BUB1B: variants seen among roughly 807,000 people sequenced by gnomAD.
BUB1B encodes mitotic checkpoint serine/threonine-protein kinase BUB1 beta.
Under a neutral mutation model 137.7 loss-of-function variants are expected in BUB1B, and 86 were observed. That is an observed-to-expected ratio of 0.62 (90% CI 0.52 to 0.75). The LOEUF (loss-of-function observed/expected upper bound fraction) is 0.75. BUB1B is among the 30% of genes least tolerant of loss of function. The pLI, the probability that BUB1B is intolerant of heterozygous loss-of-function variation, is 0.00. For synonymous variants in BUB1B, 420 were observed against 417.9 expected, an observed-to-expected ratio of 1.00 and a Z score of -0.06; for missense variants, 1,130 against 1,236.9, an observed-to-expected ratio of 0.91 and a Z score of 1.30.
chr15:40,191,130 C>T (rs554557293), intron 8 of BUB1B, among the ~76,000 whole-genome samples: 7 of 152,224 alleles, frequency 4.6e-5, no homozygotes, highest in South Asian at 4.1e-4. Flanking sequence ...TCAAGTGATC[C>T]ACCCGACTCA....
chr15:40,212,082 G>A lies in BUB1B; in HGVS notation c.2386-417G>A, dbSNP rs544095280. Among the ~76,000 whole-genome samples, 16 of 152,306 alleles carry A rather than the reference G, an allele frequency of 1.1e-4. No homozygotes were observed. In the East Asian group the frequency reaches 2.5e-3, roughly 24 times the overall value. On this transcript the variant is annotated intron_variant, in intron 18 of 22. Coordinates refer to ENST00000287598, the MANE Select transcript of BUB1B (RefSeq NM_001211.6). ...ACCCCTGATGTCAGGTAATCCACAC[G>A]CCTCAGCCTCCCAGAGTGCTGGGAT...
intron 1 of BUB1B, among the ~76,000 whole-genome samples, chr15:40,162,796 T>C (rs1015551539): frequency 6.6e-6 from 1 of 152,032 alleles, no homozygotes; most frequent in Non-Finnish European, 1.5e-5. Flanking sequence ...AATTCACTAT[T>C]TTTAAGAGCA....
At chr15:40,216,693 G>A (rs1034933910) in intron 20 of BUB1B, among the ~76,000 whole-genome samples, 37 of 150,766 alleles carry the variant, frequency 2.5e-4, no homozygotes, top group South Asian at 2.1e-4. Flanking sequence ...ATTCTGTGCC[G>A]TGGAGGTATG....
At position 40,212,511 on chromosome 15, in the gene BUB1B, C is replaced by T. The variant is rs139226455; in HGVS notation, c.2398C>T (p.Pro800Ser). 5.0e-6 allele frequency: 8 copies of T among 1,612,180 alleles called. No homozygotes were observed. Among genetic ancestry groups the T allele is most frequent in the African/African-American group, 4.0e-5 (3 of 74,876 alleles). Reference protein sequence around the residue: ...ELTVIKVSSQPVPWDFYINLK... With the variant: ...ELTVIKVSSQSVPWDFYINLK... Reference sequence around the variant, plus strand: ...CAATGTCTTACAGGTATCTTCTCAACCTGTCCCATGGGACTTTTATATCAA... The same window carrying T: ...CAATGTCTTACAGGTATCTTCTCAATCTGTCCCATGGGACTTTTATATCAA... Residue 800 changes from proline to serine, a missense_variant, in exon 19 of 23, where the codon CCT (proline) becomes TCT (serine). Pro to Ser is a moderately conservative substitution (Grantham distance 74, BLOSUM62 -1). Coordinates refer to ENST00000287598, the MANE Select transcript of BUB1B (RefSeq NM_001211.6).
intron 18 of BUB1B, among the ~76,000 whole-genome samples, chr15:40,211,502 A>G (rs1035882774): frequency 6.6e-6 from 1 of 151,964 alleles, no homozygotes; most frequent in Admixed American, 6.6e-5. Flanking sequence ...CTCAGAGAAG[A>G]CTTCTAATTT....
At chr15:40,220,463 T>G in intron 22 of BUB1B, 101 bp from the exon 23 acceptor site, 2 of 1,221,252 alleles carry the variant, frequency 1.6e-6, no homozygotes, top group Non-Finnish European at 2.4e-6. Flanking sequence ...AGGTATTACC[T>G]TACACCATTT....
At chr15:40,196,259 C>A (rs745475410) in intron 8 of BUB1B, among the ~76,000 whole-genome samples, 8 of 152,054 alleles carry the variant, frequency 5.3e-5, no homozygotes, top group Admixed American at 3.3e-4. Flanking sequence ...CCCCACTTTA[C>A]GCTTTTGTTT....
chr15:40,164,415 T>C (rs568030377), intron 1 of BUB1B, among the ~76,000 whole-genome samples: 3 of 151,962 alleles, frequency 2.0e-5, no homozygotes, highest in Non-Finnish European at 4.4e-5. Context: ...TTTGTAGAGA[T>C]GGGGGTCTTC....
At chr15:40,175,218 G>A (rs575012584) in intron 4 of BUB1B, among the ~76,000 whole-genome samples, 2 of 152,126 alleles carry the variant, frequency 1.3e-5, no homozygotes, top group African/African-American at 4.8e-5. Context: ...TTTATAATTG[G>A]GCAAAATTAG....
intron 15 of BUB1B, 49 bp from the exon 16 acceptor site, chr15:40,208,588 T>C (rs2037666616): frequency 1.3e-6 from 2 of 1,510,400 alleles, no homozygotes; most frequent in East Asian, 4.9e-5. Context: ...TATAACAAAG[T>C]TGATATATAT....
chr15:40,196,133 C>A (rs2037494535), intron 8 of BUB1B, among the ~76,000 whole-genome samples: 1 of 152,152 alleles, frequency 6.6e-6, no homozygotes, highest in African/African-American at 2.4e-5. Flanking sequence ...TTAATTAAGT[C>A]TTTGATCCAC....
intron 18 of BUB1B, among the ~76,000 whole-genome samples, chr15:40,212,102 TGGG>T (rs2037720938): frequency 6.6e-6 from 1 of 152,260 alleles, no homozygotes; most frequent in Non-Finnish European, 1.5e-5. Context: ...CCCAGAGTGC[TGGG>T]ATTACAGGCA....
chr15:40,195,926 G>A (rs559297066), intron 8 of BUB1B, among the ~76,000 whole-genome samples: 27 of 152,232 alleles, frequency 1.8e-4, no homozygotes, highest in African/African-American at 6.0e-4. Context: ...CCCACTCTGT[G>A]GGTTGTCTGT....
Position 40,169,637 on chromosome 15 carries a change from A to G in BUB1B, c.180-425A>G, listed in dbSNP as rs1489047314. On this transcript the variant is annotated intron_variant, in intron 2 of 22. Coordinates refer to ENST00000287598, the MANE Select transcript of BUB1B (RefSeq NM_001211.6). Reference sequence around the variant, plus strand: ...TTTTTTTTTTTTTTTTTTTTGAGACAGAGTCTTGCTTTGTTGCCCAGGCTG... The same window carrying G: ...TTTTTTTTTTTTTTTTTTTTGAGACGGAGTCTTGCTTTGTTGCCCAGGCTG... Among the ~76,000 whole-genome samples, 6 of 119,664 alleles carry G rather than the reference A, an allele frequency of 5.0e-5. No homozygotes were observed. In the East Asian group the frequency reaches 1.3e-3, roughly 27 times the overall value. 78.5% of individuals were successfully genotyped at this position (119,664 alleles called of 152,430 possible). A position where few individuals can be genotyped will look rare whatever the true frequency, so the allele number is the denominator to read the frequency against.
chr15:40,185,616 G>A lies in BUB1B; in HGVS notation c.1032G>A (p.Val344=), dbSNP rs756307061. 169 of 1,613,978 alleles carry A rather than the reference G, an allele frequency of 1.0e-4. No homozygotes were observed. Among genetic ancestry groups the A allele is most frequent in the Non-Finnish European group, 1.4e-4 (168 of 1,179,968 alleles). ...TGCTTCCCAGTTTCACTCCATATGT[G>A]GAAGAGACTGCACGACAGCCAGTTA... is the stretch of plus-strand genomic sequence containing the variant. ...PAVLPSFTPY[V]EETARQPVMT... Residue 344 remains valine (V), a synonymous_variant, in exon 8 of 23, where the codon GTG becomes GTA. Transcript: ENST00000287598.
intron 8 of BUB1B, among the ~76,000 whole-genome samples, chr15:40,189,735 G>A (rs1016656320): frequency 6.6e-6 from 1 of 152,138 alleles, no homozygotes; most frequent in Non-Finnish European, 1.5e-5. Context: ...CCTAGGAGAG[G>A]AATTGCTGGA....
intron 1 of BUB1B, 22 bp from the exon 2 acceptor site, chr15:40,165,031 A>C: frequency 6.2e-7 from 1 of 1,611,846 alleles, no homozygotes. Context: ...TATGAGATTT[A>C]CATTTGTTTC....
At chr15:40,162,919 C>T (rs114205290) in intron 1 of BUB1B, among the ~76,000 whole-genome samples, 3,242 of 152,124 alleles carry the variant, frequency 0.021, 107 homozygotes, top group African/African-American at 0.075. Flanking sequence ...ACAGAGTTCA[C>T]ACAATATAGA....
At chr15:40,202,928 T>C (rs1210723052) in intron 14 of BUB1B, among the ~76,000 whole-genome samples, 4 of 152,164 alleles carry the variant, frequency 2.6e-5, no homozygotes, top group Admixed American at 2.6e-4. Flanking sequence ...TTGGCAAAAT[T>C]GTGGAGAAAT....
Sources: allele counts gnomAD v4.1 joint callset (sites outside exome capture counted in the v4.1 genomes callset), GRCh38; gene constraint gnomAD v4.1.1; transcripts MANE v1.5; gene names NCBI Gene and HGNC (gene_info 2026-07-23, HGNC 2026-07-21).